Variants in PDZD2 observed in about 807,000 individuals in gnomAD.
The protein encoded by PDZD2 is PDZ domain containing 2.
PDZD2 carries 90 observed loss-of-function variants against 220.7 expected under a neutral mutation model. The ratio of observed to expected loss-of-function variants is 0.41; its 90% CI spans 0.34 to 0.49. PDZD2 has a LOEUF of 0.49. PDZD2 is among the 20% of genes least tolerant of loss of function. The pLI, the probability that PDZD2 is intolerant of heterozygous loss-of-function variation, is 0.28. For missense variants in PDZD2, 3,174 were observed against 3,608.5 expected (o/e 0.88, Z 3.08); for synonymous variants, 1,375 against 1,450.5 (o/e 0.95, Z 1.18).
intron 2 of PDZD2, among the ~76,000 whole-genome samples, chr5:31,820,804 A>G (rs941697981): frequency 8.5e-5 from 13 of 152,190 alleles, no homozygotes; most frequent in African/African-American, 3.1e-4. Context: ...TGCCAGAAGC[A>G]TTTCCAGGTT....
intron 2 of PDZD2, among the ~76,000 whole-genome samples, chr5:31,961,865 C>T (rs190566019): frequency 3.9e-5 from 6 of 152,330 alleles, no homozygotes; most frequent in African/African-American, 1.2e-4. Flanking sequence ...GCTGCGCCCA[C>T]CTTGGCCTCC....
At chr5:31,686,119 G>A (rs1314493399) in intron 1 of PDZD2, among the ~76,000 whole-genome samples, 6 of 151,830 alleles carry the variant, frequency 4.0e-5, no homozygotes, top group African/African-American at 1.4e-4. Context: ...AGCTACTCGG[G>A]AGGCTGAGGC....
At chr5:31,989,010 A>G (rs1581223225) in intron 3 of PDZD2, among the ~76,000 whole-genome samples, 1 of 152,208 alleles carries the variant, frequency 6.6e-6, no homozygotes, top group South Asian at 2.1e-4. Context: ...CATTTGGCTC[A>G]TCGTGTCCCC....
intron 5 of PDZD2, among the ~76,000 whole-genome samples, chr5:32,008,430 G>A (rs1029186556): frequency 7.2e-5 from 11 of 151,888 alleles, no homozygotes; most frequent in African/African-American, 2.7e-4. Context: ...ACAGTTGCCC[G>A]CCCACCACAC....
intron 19 of PDZD2, among the ~76,000 whole-genome samples, chr5:32,084,776 GAAGATTAGCCC>G (rs962305804): frequency 7.2e-5 from 11 of 152,068 alleles, no homozygotes; most frequent in African/African-American, 2.7e-4. Context: ...GTCTGAGGTG[GAAGATTAGCCC>G]AAGACTATGC....
At chr5:31,819,245 A>G (rs1755664085) in intron 2 of PDZD2, among the ~76,000 whole-genome samples, 1 of 152,194 alleles carries the variant, frequency 6.6e-6, no homozygotes, top group African/African-American at 2.4e-5. Flanking sequence ...AGAACATGTC[A>G]CTTTGTCTCT....
intron 2 of PDZD2, among the ~76,000 whole-genome samples, chr5:31,911,443 A>G (rs1274084656): frequency 6.6e-6 from 1 of 152,254 alleles, no homozygotes; most frequent in East Asian, 1.9e-4. Context: ...ATGTGGCTTC[A>G]CTGGGCATAC....
intron 2 of PDZD2, among the ~76,000 whole-genome samples, chr5:31,862,004 C>T (rs1231984506): frequency 1.3e-5 from 2 of 151,768 alleles, no homozygotes; most frequent in Non-Finnish European, 2.9e-5. Context: ...CCTGAACACC[C>T]TACACCATCT....
At chr5:31,884,231 G>GCATACATACATACATACATACATACATA (rs368220223) in intron 2 of PDZD2, among the ~76,000 whole-genome samples, 8 of 150,576 alleles carry the variant, frequency 5.3e-5, no homozygotes, top group Non-Finnish European at 7.4e-5. Flanking sequence ...CTGCATGCAT[G>GCATACATACATACATACATACATACATA]CATACATACA....
chr5:31,884,933 G>C (rs1740310149), intron 2 of PDZD2, among the ~76,000 whole-genome samples: 1 of 152,044 alleles, frequency 6.6e-6, no homozygotes, highest in African/African-American at 2.4e-5. Flanking sequence ...ATGAGCCACT[G>C]TGCCTGGCCG....
chr5:31,997,704 T>C (rs1343364449), intron 4 of PDZD2, among the ~76,000 whole-genome samples: 1 of 152,242 alleles, frequency 6.6e-6, no homozygotes, highest in Non-Finnish European at 1.5e-5. Flanking sequence ...TCTCATCCTT[T>C]TCATTTCATT....
chr5:32,045,074 C>T (rs1240853727), intron 7 of PDZD2, among the ~76,000 whole-genome samples: 1 of 152,236 alleles, frequency 6.6e-6, no homozygotes, highest in African/African-American at 2.4e-5. Flanking sequence ...TATGTGGTTT[C>T]TCTTCTGTTG....
chr5:32,016,842 G>A (rs771400198), intron 6 of PDZD2, among the ~76,000 whole-genome samples: 3 of 152,132 alleles, frequency 2.0e-5, no homozygotes, highest in Non-Finnish European at 4.4e-5. Context: ...TGTGCCCTAT[G>A]TTGTCTTCCC....
At chr5:31,645,740 A>G (rs1360566717) in intron 1 of PDZD2, among the ~76,000 whole-genome samples, 1 of 152,246 alleles carries the variant, frequency 6.6e-6, no homozygotes. Flanking sequence ...TGGCCTCAGG[A>G]CAGCCATCAT....
intron 2 of PDZD2, chr5:31,823,000 C>T (rs1755980252): frequency 5.9e-6 from 7 of 1,189,340 alleles, no homozygotes; most frequent in Non-Finnish European, 8.4e-6. Flanking sequence ...TCCGAGAAGA[C>T]TGAGTTCTAC....
chr5:31,941,711 T>C (rs2092201262), intron 2 of PDZD2, among the ~76,000 whole-genome samples: 2 of 152,234 alleles, frequency 1.3e-5, no homozygotes, highest in African/African-American at 2.4e-5. Flanking sequence ...CCTGCTGTTT[T>C]CATACTGCTG....
Position 32,074,015 on chromosome 5 carries a change from C to A in PDZD2, c.2909C>A (p.Ala970Asp). 3 of 1,614,132 alleles carry A rather than the reference C, an allele frequency of 1.9e-6. No individual in the cohort carries two copies. The highest frequency in any genetic ancestry group is 2.5e-6 in the Non-Finnish European group (3 of 1,179,998). Residue 970 changes from alanine (A) to aspartate (D), a missense_variant, in exon 18 of 25, where the codon GCC (alanine) becomes GAC (aspartate). This residue lies in a region of PDZD2 where 1,861 missense variants were observed against 2,001.0 expected (regional missense o/e 0.93). Coordinates refer to ENST00000438447, the MANE Select transcript of PDZD2 (RefSeq NM_178140.4). The stretch of plus-strand genomic sequence containing the variant: ...GTAGGCTGCTACGATGCCAACGATG[C>A]CAGTGATGAGGAAGAGTTTGACAGA... ...RKVGCYDAND[A>D]SDEEEFDREG...
At chr5:32,019,139 CT>C (rs3037908) in intron 6 of PDZD2, among the ~76,000 whole-genome samples, 16,852 of 105,872 alleles carry the variant, frequency 0.16, 403 homozygotes, top group East Asian at 0.29. Flanking sequence ...CATAGAAAAG[CT>C]TTTTTTTTTT....
intron 1 of PDZD2, among the ~76,000 whole-genome samples, chr5:31,655,961 T>C (rs1745532431): frequency 3.3e-5 from 5 of 152,242 alleles, no homozygotes; most frequent in Admixed American, 3.3e-4. Context: ...GATAGCATAT[T>C]AGGGTTTAAA....
Sources: gnomAD v4.1 joint callset for allele counts (sites outside exome capture counted in the v4.1 genomes callset) on GRCh38, gnomAD v4.1.1 for gene constraint, gnomAD v4.1.1 regional missense constraint, MANE v1.5 for transcripts, NCBI Gene and HGNC (gene_info 2026-07-23, HGNC 2026-07-21) for gene names.